ATP8A2: variants seen among roughly 807,000 people sequenced by gnomAD.
ATP8A2 encodes phospholipid-transporting ATPase IB.
In ATP8A2, 100 loss-of-function variants were observed where a neutral mutation model predicts 165.6. The observed-to-expected ratio is 0.60, with a 90% CI of 0.51 to 0.71. ATP8A2 has a LOEUF of 0.71. ATP8A2 is among the 30% of genes least tolerant of loss of function. The pLI is 0.00. For synonymous variants in ATP8A2, 543 were observed against 548.8 expected (o/e 0.99, Z 0.15); for missense variants, 1,227 against 1,479.5 (o/e 0.83, Z 2.80).
intron 24 of ATP8A2, among the ~76,000 whole-genome samples, chr13:25,593,797 T>C (rs2040159460): frequency 2.0e-5 from 3 of 152,226 alleles, no homozygotes; most frequent in African/African-American, 7.2e-5. Flanking sequence ...ATTGGTTAAA[T>C]GGACTTGTGG....
At chr13:26,017,451 TG>T (rs1957003245) in intron 36 of ATP8A2, among the ~76,000 whole-genome samples, 1 of 152,234 alleles carries the variant, frequency 6.6e-6, no homozygotes, top group Non-Finnish European at 1.5e-5. Context: ...CCTCTTGGAC[TG>T]CAGTAAAAAT....
intron 36 of ATP8A2, 46 bp from the exon 37 acceptor site, chr13:26,019,842 C>T (rs964196656): frequency 1.4e-6 from 2 of 1,408,966 alleles, no homozygotes; most frequent in Admixed American, 1.7e-5. Flanking sequence ...AGTGTGCTCC[C>T]CCAATTCTCC....
At chr13:25,959,595 G>T (rs571005060) in intron 33 of ATP8A2, among the ~76,000 whole-genome samples, 1 of 152,340 alleles carries the variant, frequency 6.6e-6, no homozygotes, top group African/African-American at 2.4e-5. Context: ...GCTTGGGCCA[G>T]TGGTGCTTCC....
intron 2 of ATP8A2, among the ~76,000 whole-genome samples, chr13:25,497,953 T>G (rs1354238269): frequency 6.6e-6 from 1 of 151,764 alleles, no homozygotes; most frequent in East Asian, 1.9e-4. Context: ...CCGAGAGAGA[T>G]TCCGTCTCAA....
intron 25 of ATP8A2, among the ~76,000 whole-genome samples, chr13:25,714,123 AAAGG>A (rs71808617): frequency 0.17 from 26,349 of 151,376 alleles, 2,370 homozygotes; most frequent in South Asian, 0.21. Context: ...TAAAAGAAAG[AAAGG>A]AAGGAAGGAA....
chr13:25,559,907 A>AG (rs1249567893), intron 15 of ATP8A2, 142 bp downstream of exon 15: 1 of 618,660 alleles, frequency 1.6e-6, no homozygotes, highest in African/African-American at 1.9e-5. Flanking sequence ...AGCTCACTGT[A>AG]GTCACGAACT....
Position 25,543,270 on chromosome 13 carries a change from AT to A in ATP8A2, c.780-19del. 1 of 1,432,444 alleles carries A rather than the reference AT, an allele frequency of 7.0e-7. No homozygotes were observed. The highest frequency in any genetic ancestry group is 9.8e-7 in the Non-Finnish European group (1 of 1,020,250). 88.7% of individuals were successfully genotyped at this position (1,432,444 alleles called of 1,614,324 possible). A position where few individuals can be genotyped will look rare whatever the true frequency, so the allele number is the denominator to read the frequency against. On this transcript the variant is annotated intron_variant, in intron 9 of 36. Coordinates refer to ENST00000381655, the MANE Select transcript of ATP8A2 (RefSeq NM_016529.6). ...ATTTTCCAGACTATCATTAAATATC[AT>A]TGTTGTTTTTTATTTTTAGCCTTGT...
intron 24 of ATP8A2, among the ~76,000 whole-genome samples, chr13:25,597,868 T>A (rs1031732477): frequency 6.6e-5 from 10 of 152,182 alleles, no homozygotes; most frequent in Admixed American, 4.6e-4. Flanking sequence ...TTTTTTTTTT[T>A]AATTTTGTTG....
chr13:25,759,606 A>G (rs192386627), intron 25 of ATP8A2, among the ~76,000 whole-genome samples: 61 of 152,294 alleles, frequency 4.0e-4, no homozygotes, highest in Admixed American at 3.3e-3. Context: ...CAGAGTATCA[A>G]ATTAATGCTT....
At chr13:25,622,616 G>C (rs911278429) in intron 24 of ATP8A2, among the ~76,000 whole-genome samples, 1 of 152,076 alleles carries the variant, frequency 6.6e-6, no homozygotes, top group Admixed American at 6.6e-5. Flanking sequence ...AGTGCTGACA[G>C]GAGGCCACAA....
intron 33 of ATP8A2, among the ~76,000 whole-genome samples, chr13:25,901,592 C>T (rs1478225244): frequency 6.6e-6 from 1 of 152,010 alleles, no homozygotes; most frequent in Admixed American, 6.5e-5. Flanking sequence ...ATTTGTTTTT[C>T]CATTATTTTT....
chr13:25,700,149 G>GTACCTTT (rs2042921438), intron 25 of ATP8A2, among the ~76,000 whole-genome samples: 1 of 152,162 alleles, frequency 6.6e-6, no homozygotes, highest in East Asian at 1.9e-4. Context: ...TTTAAGTCAG[G>GTACCTTT]AAACCTGGTG....
intron 24 of ATP8A2, among the ~76,000 whole-genome samples, chr13:25,636,095 G>A (rs112023929): frequency 0.015 from 2,215 of 152,252 alleles, 49 homozygotes; most frequent in African/African-American, 0.049. Context: ...AGTGAAGGCC[G>A]TGGGAGTTGG....
At chr13:25,430,586 TTTG>T (rs538214310) in intron 1 of ATP8A2, among the ~76,000 whole-genome samples, 3 of 151,826 alleles carry the variant, frequency 2.0e-5, no homozygotes, top group South Asian at 2.1e-4. Flanking sequence ...GGGATAGGTT[TTTG>T]TTGTTGTTGT....
At chr13:25,894,144 T>C (rs895510810) in intron 33 of ATP8A2, among the ~76,000 whole-genome samples, 18 of 152,346 alleles carry the variant, frequency 1.2e-4, no homozygotes, top group Non-Finnish European at 1.9e-4. Context: ...CTAGGTTTTC[T>C]TCTAGGGTTT....
chr13:25,950,021 A>G (rs1955310744), intron 33 of ATP8A2, among the ~76,000 whole-genome samples: 1 of 152,020 alleles, frequency 6.6e-6, no homozygotes, highest in Non-Finnish European at 1.5e-5. Context: ...GCTGATCTCG[A>G]ACTCTTGACC....
chr13:25,503,464 G>A (rs1029227723), intron 2 of ATP8A2, among the ~76,000 whole-genome samples: 9 of 152,222 alleles, frequency 5.9e-5, no homozygotes, highest in African/African-American at 1.4e-4. Flanking sequence ...GGGAATTTGC[G>A]TTCTAGGTGA....
intron 15 of ATP8A2, among the ~76,000 whole-genome samples, chr13:25,560,727 C>T (rs891087558): frequency 7.4e-6 from 1 of 134,876 alleles, no homozygotes; most frequent in Non-Finnish European, 1.6e-5. Flanking sequence ...AAAAAAAAGA[C>T]AAATTAAAAA....
intron 2 of ATP8A2, among the ~76,000 whole-genome samples, chr13:25,528,988 C>A (rs1193742031): frequency 1.3e-5 from 2 of 152,060 alleles, no homozygotes; most frequent in African/African-American, 4.8e-5. Flanking sequence ...TCCCCCACCC[C>A]ACAATAGGCC....
Sources: gnomAD v4.1 joint callset for allele counts (sites outside exome capture counted in the v4.1 genomes callset) on GRCh38, gnomAD v4.1.1 for gene constraint, MANE v1.5 for transcripts, NCBI Gene and HGNC (gene_info 2026-07-23, HGNC 2026-07-21) for gene names.